The following RASGRP3 variants were observed in gnomAD, a reference collection of about 807,000 sequenced individuals.
RASGRP3 encodes RAS guanyl releasing protein 3, also known as ras guanyl-releasing protein 3.
Under a neutral mutation model 82.7 loss-of-function variants are expected in RASGRP3, and 54 were observed. The observed-to-expected ratio is 0.65, with a 90% CI of 0.52 to 0.82. The LOEUF (loss-of-function observed/expected upper bound fraction) is 0.82, where lower values mean the gene tolerates loss of function less well. Among genes scored for constraint, RASGRP3 ranks in the 40% least tolerant of loss-of-function variants. RASGRP3 has a pLI of 0.00. For synonymous variants in RASGRP3, 309 were observed against 300.5 expected (o/e 1.03, Z -0.29); for missense variants, 861 against 828.9 (o/e 1.04, Z -0.48).
intron 1 of RASGRP3, among the ~76,000 whole-genome samples, chr2:33,488,226 AG>A (rs889281020): frequency 1.3e-5 from 2 of 152,250 alleles, no homozygotes; most frequent in African/African-American, 4.8e-5. Flanking sequence ...GTCCTGGCAA[AG>A]CACGTTTCTC....
At chr2:33,439,456 G>A (rs941653320) in intron 1 of RASGRP3, among the ~76,000 whole-genome samples, 7 of 152,110 alleles carry the variant, frequency 4.6e-5, no homozygotes, top group Non-Finnish European at 8.8e-5. Context: ...GCCTTCCTGC[G>A]CCCAAGGAAT....
Position 33,543,573 on chromosome 2 carries a change from G to A in RASGRP3, c.1340G>A (p.Ser447Asn). 6.2e-7 allele frequency: 1 copy of A among 1,612,320 alleles called. No individual in the cohort carries two copies. The highest frequency in any genetic ancestry group is 1.3e-5 in the African/African-American group (1 of 75,028). The change falls in exon 13 of 18, where the codon AGT (serine) becomes AAT (asparagine). Residue 447 changes from serine to asparagine, a missense_variant. Coordinates refer to ENST00000403687, the MANE Select transcript of RASGRP3 (RefSeq NM_001139488.2). ...TACATTTCCCAAGAGGACTTTGAAA[G>A]TATAGCTGCCAATTTTCCCTTCTTG... ...DGYISQEDFE[S>N]IAANFPFLDS... is the part of the protein sequence containing the mutation.
In RASGRP3 at chr2:33,563,965, A is replaced by G. The variant is rs10514775; in HGVS notation, c.*1228A>G. On this transcript the variant is annotated 3_prime_UTR_variant, in exon 18 of 18. Coordinates refer to ENST00000403687, the MANE Select transcript of RASGRP3 (RefSeq NM_001139488.2). ...ACTGAGCCTGTGAATGACAGGAATG[A>G]TCTATTACCAGGTGACTAGTCGGAA... The G allele has an allele frequency of 0.12, 18,369 of 152,166 alleles. 1,134 individuals are homozygous for G. Among genetic ancestry groups the G allele is most frequent in the Admixed American group, 0.14 (2,079 of 15,286 alleles). 9.4% of individuals were successfully genotyped at this position (152,166 alleles called of 1,614,324 possible). A position where few individuals can be genotyped will look rare whatever the true frequency, so the allele number is the denominator to read the frequency against.
chr2:33,526,598 G>A (rs1245417483), intron 9 of RASGRP3, among the ~76,000 whole-genome samples: 11 of 152,096 alleles, frequency 7.2e-5, no homozygotes, highest in South Asian at 2.1e-4. Flanking sequence ...ATTATGTATC[G>A]GAACTTCTCT....
chr2:33,446,603 A>G (rs1382377458), intron 1 of RASGRP3, among the ~76,000 whole-genome samples: 2 of 152,156 alleles, frequency 1.3e-5, no homozygotes, highest in African/African-American at 4.8e-5. Flanking sequence ...ATGCAGGCAC[A>G]TGAGAATTGT....
At chr2:33,499,763 C>CA (rs34878885) in intron 1 of RASGRP3, among the ~76,000 whole-genome samples, 12,040 of 123,808 alleles carry the variant, frequency 0.097, 507 homozygotes, top group East Asian at 0.12. Flanking sequence ...ATATCAAATC[C>CA]AAAAAAAAAA....
intron 1 of RASGRP3, among the ~76,000 whole-genome samples, chr2:33,484,822 A>G (rs79880849): frequency 0.019 from 2,902 of 152,320 alleles, 152 homozygotes; most frequent in East Asian, 0.16. Context: ...CCAGTGAGTA[A>G]GAGTCTAGTC....
intron 12 of RASGRP3, 196 bp downstream of exon 12, chr2:33,539,406 T>C: frequency 3.8e-6 from 2 of 519,920 alleles, no homozygotes; most frequent in Non-Finnish European, 7.0e-6. Flanking sequence ...TTTCCCTTTG[T>C]TGTCTCTCTT....
intron 9 of RASGRP3, among the ~76,000 whole-genome samples, chr2:33,525,369 A>T (rs1480747041): frequency 6.6e-6 from 1 of 151,706 alleles, no homozygotes. Context: ...AGAAACAGTG[A>T]TCATTTTCCA....
chr2:33,465,764 C>T (rs1666659767), intron 2 of RASGRP3, among the ~76,000 whole-genome samples: 1 of 152,218 alleles, frequency 6.6e-6, no homozygotes, highest in Admixed American at 6.5e-5. Context: ...GACAGGCTGA[C>T]TCTTGTTAGG....
chr2:33,468,466 A>G (rs1666854953), intron 2 of RASGRP3, among the ~76,000 whole-genome samples: 1 of 151,692 alleles, frequency 6.6e-6, no homozygotes, highest in Non-Finnish European at 1.5e-5. Context: ...CAGTGGCATG[A>G]TCTCGGCTCA....
intron 2 of RASGRP3, among the ~76,000 whole-genome samples, chr2:33,449,382 G>GT (rs762807991): frequency 6.6e-6 from 1 of 152,188 alleles, no homozygotes; most frequent in Non-Finnish European, 1.5e-5. Context: ...GTTATACTAT[G>GT]TAGATAGCAT....
chr2:33,534,044 C>A (rs1204707309), intron 10 of RASGRP3: 5 of 362,222 alleles, frequency 1.4e-5, no homozygotes, highest in African/African-American at 2.0e-5. Flanking sequence ...ATCACATATC[C>A]CTCATCCGTG....
At chr2:33,499,427 T>C (rs1478476537) in intron 1 of RASGRP3, among the ~76,000 whole-genome samples, 2 of 151,922 alleles carry the variant, frequency 1.3e-5, no homozygotes, top group African/African-American at 4.8e-5. Context: ...GGTGTGGTGG[T>C]GCGCACATGT....
upstream of RASGRP3, among the ~76,000 whole-genome samples, chr2:33,475,470 C>A (rs1229924722): frequency 1.3e-5 from 2 of 152,184 alleles, no homozygotes; most frequent in African/African-American, 4.8e-5. Flanking sequence ...TGTTAAAAAT[C>A]AGGGTTAATA....
intron 1 of RASGRP3, among the ~76,000 whole-genome samples, chr2:33,511,255 T>C (rs371475640): frequency 6.6e-6 from 1 of 152,088 alleles, no homozygotes; most frequent in East Asian, 1.9e-4. Flanking sequence ...TAAGGCCCCA[T>C]TGGGAGACTA....
At position 33,549,658 on chromosome 2, in the gene RASGRP3, C is replaced by T; in HGVS notation, c.1449C>T (p.Ser483=). 2 of 1,613,650 alleles carry T rather than the reference C, an allele frequency of 1.2e-6. No homozygotes were observed. The highest frequency in any genetic ancestry group is 1.7e-6 in the Non-Finnish European group (2 of 1,179,662). The change falls in exon 14 of 18, where the codon TCC becomes TCT. Residue 483 remains serine, a synonymous_variant. Transcript: ENST00000403687. ...TGGCTTACTTCCTGAGAGCTAAATCCCAACTACACTGTAAAATGGGACCAG... is the reference window on the plus strand; with the variant it reads ...TGGCTTACTTCCTGAGAGCTAAATCTCAACTACACTGTAAAATGGGACCAG... The part of the protein sequence containing the change: ...EMMAYFLRAK[S]QLHCKMGPGF...
intron 4 of RASGRP3, among the ~76,000 whole-genome samples, chr2:33,517,089 T>C (rs1311600345): frequency 1.3e-5 from 2 of 152,194 alleles, no homozygotes; most frequent in African/African-American, 2.4e-5. Flanking sequence ...AGTTTTCACA[T>C]CTCCCCTTGC....
At chr2:33,499,830 A>G (rs953591591) in intron 1 of RASGRP3, among the ~76,000 whole-genome samples, 1 of 152,114 alleles carries the variant, frequency 6.6e-6, no homozygotes, top group East Asian at 1.9e-4. Context: ...AAGTGTACAG[A>G]CCATGTCAAA....
Sources: gnomAD v4.1 joint callset for allele counts (sites outside exome capture counted in the v4.1 genomes callset) on GRCh38, gnomAD v4.1.1 for gene constraint, MANE v1.5 for transcripts, NCBI Gene and HGNC (gene_info 2026-07-23, HGNC 2026-07-21) for gene names.